The following THEMIS variants were observed in gnomAD, a reference collection of about 807,000 sequenced individuals.
THEMIS encodes the protein thymocyte selection associated, also known as protein THEMIS.
Under a neutral mutation model 52.6 loss-of-function variants are expected in THEMIS, and 37 were observed. That is an observed-to-expected ratio of 0.70 (90% confidence interval 0.54 to 0.93). THEMIS has a LOEUF of 0.93. Ranked by LOEUF, THEMIS falls within the 40% of genes least tolerant of loss-of-function variation. The pLI is 0.00. For synonymous variants in THEMIS, 292 were observed against 272.7 expected, an observed-to-expected ratio of 1.07 and a Z score of -0.70; for missense variants, 808 against 763.1, an observed-to-expected ratio of 1.06 and a Z score of -0.69.
chr6:127,862,363 T>C lies in THEMIS; in HGVS notation c.92-7175A>G, dbSNP rs924622261. Among the ~76,000 whole-genome samples, 7 of 151,194 alleles carry C rather than the reference T, an allele frequency of 4.6e-5. No homozygotes were observed. The East Asian group carries it at 1.4e-3, about 29-fold the overall frequency. On this transcript the variant is annotated intron_variant, in intron 1 of 5. Coordinates refer to ENST00000368248, the MANE Select transcript of THEMIS (RefSeq NM_001010923.3). ...TGATCCTAATTGACCATGGATGCTT[T>C]GAGTTGCTGGACCTATACAGCTCAG...
intron 4 of THEMIS, among the ~76,000 whole-genome samples, chr6:127,748,640 C>A (rs1158784425): frequency 6.6e-6 from 1 of 152,030 alleles, no homozygotes; most frequent in Admixed American, 6.6e-5. Flanking sequence ...GCTTTACCAA[C>A]ACACATACTC....
At chr6:127,848,695 A>T (rs1779310624) in intron 2 of THEMIS, among the ~76,000 whole-genome samples, 1 of 152,142 alleles carries the variant, frequency 6.6e-6, no homozygotes, top group Non-Finnish European at 1.5e-5. Context: ...ACATTTTTTC[A>T]CATGTCTGTT....
intron 4 of THEMIS, among the ~76,000 whole-genome samples, chr6:127,787,858 GATAGATAGATAGATAGATAGAT>G (rs1562257911): frequency 2.3e-3 from 303 of 130,882 alleles, no homozygotes; most frequent in Middle Eastern, 3.9e-3. Context: ...GATATAGATA[GATAGATAGATAGATAGATAGAT>G]ATAGATAGAT....
upstream of THEMIS, among the ~76,000 whole-genome samples, chr6:127,905,402 G>A (rs879783147): frequency 3.3e-5 from 5 of 151,912 alleles, no homozygotes; most frequent in Admixed American, 1.3e-4. Flanking sequence ...ATCCAGAGAC[G>A]CATGAAAGCA....
At chr6:127,857,982 A>G (rs1214196389) in intron 1 of THEMIS, among the ~76,000 whole-genome samples, 1 of 152,082 alleles carries the variant, frequency 6.6e-6, no homozygotes, top group Non-Finnish European at 1.5e-5. Context: ...ATTAAATGGA[A>G]CATAATCTAA....
chr6:127,863,287 T>C (rs532859477), intron 1 of THEMIS, among the ~76,000 whole-genome samples: 5 of 152,292 alleles, frequency 3.3e-5, no homozygotes, highest in Non-Finnish European at 7.4e-5. Flanking sequence ...ATCCTATTAA[T>C]GTATTATGAT....
chr6:127,891,748 T>A (rs1780818200), intron 1 of THEMIS, among the ~76,000 whole-genome samples: 1 of 152,072 alleles, frequency 6.6e-6, no homozygotes, highest in African/African-American at 2.4e-5. Context: ...CTTCCTCAAA[T>A]GGCAATCAGG....
chr6:127,885,476 TAA>T (rs1039129886), intron 1 of THEMIS, among the ~76,000 whole-genome samples: 1 of 151,618 alleles, frequency 6.6e-6, no homozygotes, highest in African/African-American at 2.4e-5. Context: ...TGATAAAAAA[TAA>T]AAAAAACTAT....
In THEMIS at chr6:127,852,276, A is replaced by G. The variant is rs1040210562; in HGVS notation, c.250+2754T>C. On this transcript the variant is annotated intron_variant, in intron 2 of 5. Coordinates refer to ENST00000368248, the MANE Select transcript of THEMIS (RefSeq NM_001010923.3). ...TGACAGAATTGAAGGGAAAATAAACAATTCAACAATAGTAGCTGGAAACAT... is the reference window on the plus strand; with the variant it reads ...TGACAGAATTGAAGGGAAAATAAACGATTCAACAATAGTAGCTGGAAACAT... Among the ~76,000 whole-genome samples, 11 of 151,744 alleles carry G rather than the reference A, an allele frequency of 7.2e-5. No individual in the cohort carries two copies. The East Asian group carries it at 2.1e-3, about 30-fold the overall frequency.
intron 4 of THEMIS, among the ~76,000 whole-genome samples, chr6:127,761,055 G>A (rs778103305): frequency 3.5e-4 from 53 of 152,042 alleles, no homozygotes; most frequent in Non-Finnish European, 7.1e-4. Context: ...TACCTGATAA[G>A]GGTTAATATC....
intron 4 of THEMIS, among the ~76,000 whole-genome samples, chr6:127,801,443 C>T (rs1777532007): frequency 6.6e-6 from 1 of 152,104 alleles, no homozygotes; most frequent in South Asian, 2.1e-4. Context: ...TACATGCACA[C>T]CCTTGCCAGG....
intron 3 of THEMIS, among the ~76,000 whole-genome samples, chr6:127,814,141 G>C (rs973713440): frequency 1.2e-4 from 18 of 152,144 alleles, no homozygotes; most frequent in African/African-American, 4.3e-4. Context: ...CCCATACTCA[G>C]TTTAAGAAGC....
intron 2 of THEMIS, among the ~76,000 whole-genome samples, chr6:127,834,409 T>C (rs1431242987): frequency 6.5e-5 from 3 of 46,376 alleles, no homozygotes; most frequent in Non-Finnish European, 1.2e-4. Context: ...CCGTCTCCAC[T>C]AAAAATACAA....
At chr6:127,714,688 T>C (rs1774097373) in intron 5 of THEMIS, among the ~76,000 whole-genome samples, 1 of 151,990 alleles carries the variant, frequency 6.6e-6, no homozygotes, top group Non-Finnish European at 1.5e-5. Flanking sequence ...AATTAGAGCT[T>C]AGTCTTGGGT....
chr6:127,773,733 A>G (rs1011528098), intron 4 of THEMIS, among the ~76,000 whole-genome samples: 4 of 152,210 alleles, frequency 2.6e-5, no homozygotes, highest in Non-Finnish European at 5.9e-5. Context: ...AAGCTCTAAT[A>G]TTGGTGGCTA....
chr6:127,764,641 T>G (rs1401574039), intron 4 of THEMIS, among the ~76,000 whole-genome samples: 4 of 152,042 alleles, frequency 2.6e-5, no homozygotes, highest in African/African-American at 9.7e-5. Context: ...GGTATTACCC[T>G]AAAGCACTGG....
chr6:127,876,954 A>G (rs953443598), intron 1 of THEMIS, among the ~76,000 whole-genome samples: 2 of 152,238 alleles, frequency 1.3e-5, no homozygotes, highest in Non-Finnish European at 2.9e-5. Context: ...GAATATTACA[A>G]TAAGGCAAGT....
intron 2 of THEMIS, among the ~76,000 whole-genome samples, chr6:127,847,919 C>T (rs200786019): frequency 1.7e-5 from 2 of 120,432 alleles, no homozygotes; most frequent in Non-Finnish European, 3.5e-5. Flanking sequence ...TTATTATTAT[C>T]ATTATTATTT....
intron 4 of THEMIS, among the ~76,000 whole-genome samples, chr6:127,728,231 T>C (rs1254760486): frequency 6.6e-6 from 1 of 152,180 alleles, no homozygotes; most frequent in African/African-American, 2.4e-5. Flanking sequence ...TCTAACACTC[T>C]CCTCTGTGCT....
Sources: allele counts gnomAD v4.1 joint callset (sites outside exome capture counted in the v4.1 genomes callset), GRCh38; gene constraint gnomAD v4.1.1; transcripts MANE v1.5; gene names NCBI Gene and HGNC (gene_info 2026-07-23, HGNC 2026-07-21).